The following ATP5F1C variants were observed in gnomAD, a reference collection of about 807,000 sequenced individuals.
The protein encoded by ATP5F1C is ATP synthase F(1) complex subunit gamma, mitochondrial.
ATP5F1C carries 22 observed loss-of-function variants against 37.4 expected under a neutral mutation model. That is an observed-to-expected ratio of 0.59 (90% CI 0.42 to 0.84). ATP5F1C has a LOEUF of 0.84. Ranked by LOEUF, ATP5F1C falls within the 40% of genes least tolerant of loss-of-function variation. The pLI, the probability that ATP5F1C is intolerant of heterozygous loss-of-function variation, is 0.00. For missense variants in ATP5F1C, 286 were observed against 362.4 expected (o/e 0.79, Z 1.71); for synonymous variants, 121 against 128.0 (o/e 0.95, Z 0.37).
chr10:7,801,376 TCAC>T (rs778974659), intron 6 of ATP5F1C: 1 of 152,356 alleles, frequency 6.6e-6, no homozygotes, highest in East Asian at 1.9e-4. Flanking sequence ...TAGTACTGTG[TCAC>T]CACTTGACCC....
At chr10:7,792,236 T>C (rs1182662682) in intron 1 of ATP5F1C, among the ~76,000 whole-genome samples, 1 of 152,206 alleles carries the variant, frequency 6.6e-6, no homozygotes, top group Non-Finnish European at 1.5e-5. Context: ...GCTTTTATCT[T>C]TTCCTTTAGT....
At chr10:7,799,524 A>G (rs1046569988) in intron 4 of ATP5F1C, 4 of 570,778 alleles carry the variant, frequency 7.0e-6, no homozygotes, top group Non-Finnish European at 9.2e-6. Context: ...GCAATAGTTC[A>G]TTAGGATTAG....
At chr10:7,797,474 T>C (rs1205033966) in intron 3 of ATP5F1C, among the ~76,000 whole-genome samples, 1 of 152,202 alleles carries the variant, frequency 6.6e-6, no homozygotes, top group African/African-American at 2.4e-5. Flanking sequence ...CCTATGTGGT[T>C]TGGTGTCGAG....
At position 7,806,211 on chromosome 10, in the gene ATP5F1C, A is replaced by G. The variant is rs145439590; in HGVS notation, c.891-763A>G. ...GGGTTTGCATGCTCTGTAACCTATC[A>G]GTTATTCTGAATCAAGACTTGAATA... On this transcript the variant is annotated intron_variant, in intron 8 of 9. Transcript: ENST00000356708. Among the ~76,000 whole-genome samples, 24 of 152,362 alleles carry G rather than the reference A, an allele frequency of 1.6e-4. No individual in the cohort carries two copies. The East Asian group carries it at 4.4e-3, about 28-fold the overall frequency.
At chr10:7,803,576 C>A (rs539183228) in intron 8 of ATP5F1C, among the ~76,000 whole-genome samples, 3 of 151,926 alleles carry the variant, frequency 2.0e-5, no homozygotes, top group African/African-American at 7.2e-5. Context: ...TACTGAGGGC[C>A]AACTATATAC....
At chr10:7,805,303 G>A (rs753167237) in intron 8 of ATP5F1C, among the ~76,000 whole-genome samples, 15 of 152,168 alleles carry the variant, frequency 9.9e-5, no homozygotes, top group Non-Finnish European at 1.8e-4. Flanking sequence ...CAAAGCCTGC[G>A]GGAAGGAACC....
At chr10:7,802,527 A>C in intron 7 of ATP5F1C, 102 bp downstream of exon 7, 1 of 1,361,646 alleles carries the variant, frequency 7.3e-7, no homozygotes, top group East Asian at 2.3e-5. Flanking sequence ...AACAACATTA[A>C]CATGATATTC....
intron 3 of ATP5F1C, among the ~76,000 whole-genome samples, chr10:7,797,650 C>T (rs990468999): frequency 3.9e-5 from 6 of 151,998 alleles, no homozygotes; most frequent in African/African-American, 9.7e-5. Context: ...AGGACTGCAG[C>T]GGGGGCGGGT....
intron 8 of ATP5F1C, among the ~76,000 whole-genome samples, chr10:7,806,518 G>A (rs1244438): frequency 0.44 from 66,058 of 151,740 alleles, 14,483 homozygotes; most frequent in South Asian, 0.55. Flanking sequence ...TTAGCTGGGC[G>A]TGGTGGCGGG....
intron 1 of ATP5F1C, among the ~76,000 whole-genome samples, chr10:7,789,809 A>AT: frequency 6.6e-6 from 1 of 152,238 alleles, no homozygotes; most frequent in East Asian, 1.9e-4. Flanking sequence ...TTTACAAAAA[A>AT]TTTTAGAAAT....
chr10:7,804,032 G>A, intron 8 of ATP5F1C: 2 of 514,674 alleles, frequency 3.9e-6, no homozygotes, highest in Non-Finnish European at 7.8e-6. Flanking sequence ...AACAGTATTT[G>A]CCTTCAGAGA....
chr10:7,797,256 C>G, intron 3 of ATP5F1C, 78 bp downstream of exon 3: 1 of 1,551,832 alleles, frequency 6.4e-7, no homozygotes, highest in African/African-American at 1.4e-5. Context: ...ACATTTAGAG[C>G]TTACAGTGAT....
chr10:7,789,517 T>G (rs1189576706), intron 1 of ATP5F1C, among the ~76,000 whole-genome samples: 2 of 152,204 alleles, frequency 1.3e-5, no homozygotes, highest in African/African-American at 4.8e-5. Flanking sequence ...CTCAGTTGTA[T>G]AGATTGTCCC....
intron 1 of ATP5F1C, among the ~76,000 whole-genome samples, chr10:7,789,247 G>T (rs1836115218): frequency 6.6e-6 from 1 of 152,146 alleles, no homozygotes; most frequent in Non-Finnish European, 1.5e-5. Context: ...TAACAGTGTG[G>T]AGGATTTCTA....
At chr10:7,806,934 T>A in intron 8 of ATP5F1C, 40 bp from the exon 9 acceptor site, 1 of 1,573,764 alleles carries the variant, frequency 6.4e-7, no homozygotes, top group Non-Finnish European at 8.7e-7. Flanking sequence ...CTTGACCTGC[T>A]TGTTTTGTGT....
intron 1 of ATP5F1C, among the ~76,000 whole-genome samples, chr10:7,793,041 C>A (rs1035074871): frequency 1.3e-5 from 2 of 152,214 alleles, no homozygotes; most frequent in African/African-American, 4.8e-5. Flanking sequence ...TGATATCTTA[C>A]TGTTTTAACT....
chr10:7,799,543 G>T (rs1445014843), intron 4 of ATP5F1C: 2 of 581,090 alleles, frequency 3.4e-6, no homozygotes, highest in East Asian at 2.9e-5. Flanking sequence ...AGAAGGAGAG[G>T]AATAAAGGGG....
intron 7 of ATP5F1C, 115 bp from the exon 8 acceptor site, chr10:7,802,643 G>A (rs1171521305): frequency 2.0e-5 from 24 of 1,191,956 alleles, no homozygotes; most frequent in Non-Finnish European, 2.8e-5. Context: ...TATTTGAGAG[G>A]CCAATTTTGG....
chr10:7,800,701 G>T (rs576540003), intron 6 of ATP5F1C, among the ~76,000 whole-genome samples: 1 of 151,808 alleles, frequency 6.6e-6, no homozygotes, highest in African/African-American at 2.4e-5. Context: ...CACCGTGTTC[G>T]CCAGGCTGGT....
Sources: gnomAD v4.1 joint callset for allele counts (sites outside exome capture counted in the v4.1 genomes callset) on GRCh38, gnomAD v4.1.1 for gene constraint, MANE v1.5 for transcripts, NCBI Gene and HGNC (gene_info 2026-07-23, HGNC 2026-07-21) for gene names.